The following PDK1 variants were observed in gnomAD, a reference collection of about 807,000 sequenced individuals.
The protein encoded by PDK1 is [Pyruvate dehydrogenase (acetyl-transferring)] kinase isozyme 1, mitochondrial.
A neutral mutation model predicts 54.2 loss-of-function variants in PDK1; 39 were observed. The ratio of observed to expected loss-of-function variants is 0.72; its 90% CI spans 0.56 to 0.94. The LOEUF is 0.94. PDK1 is among the 40% of genes least tolerant of loss of function. PDK1 has a pLI of 0.00. For synonymous variants in PDK1, 221 were observed against 207.1 expected, an observed-to-expected ratio of 1.07 and a Z score of -0.58; for missense variants, 552 against 566.0, an observed-to-expected ratio of 0.98 and a Z score of 0.25.
chr2:172,687,192 G>A, the PDK1 span, among the ~76,000 whole-genome samples: 1 of 151,860 alleles, frequency 6.6e-6, no homozygotes, highest in South Asian at 2.1e-4. Flanking sequence ...TATTTTATTT[G>A]ATTTTAATTG....
chr2:172,648,955 A>G, the PDK1 span, among the ~76,000 whole-genome samples: 5 of 152,150 alleles, frequency 3.3e-5, no homozygotes, highest in African/African-American at 1.2e-4. Flanking sequence ...AGACTTAAAC[A>G]TCCCTGTCTG....
At chr2:172,563,791 G>A (rs898083620) in intron 3 of PDK1, among the ~76,000 whole-genome samples, 3 of 151,548 alleles carry the variant, frequency 2.0e-5, no homozygotes, top group Admixed American at 6.6e-5. Context: ...CCGAGATTGC[G>A]CCATTGCTCT....
chr2:172,620,745 A>C, the PDK1 span, among the ~76,000 whole-genome samples: 2 of 152,000 alleles, frequency 1.3e-5, no homozygotes, highest in East Asian at 3.9e-4. Flanking sequence ...CCCACCTCAC[A>C]CTCTTGTTCT....
In PDK1 at chr2:172,606,750, A is replaced by C. The variant is rs562703003; in HGVS notation, c.*10781A>C. ...TTTCCTTTTTTTTTTAAAAAAAAAA[A>C]AAAACCTTTTTCATGTTGAAGTTCA... On this transcript the variant is annotated 3_prime_UTR_variant, in exon 11 of 11. Transcript: ENST00000282077. The C allele has an allele frequency of 2.0e-4, 31 of 152,072 alleles. 1 individual carries two copies. In the East Asian group the frequency reaches 5.2e-3, roughly 26 times the overall value. 9.4% of individuals were successfully genotyped at this position (152,072 alleles called of 1,614,324 possible).
the PDK1 span, among the ~76,000 whole-genome samples, chr2:172,633,732 T>G: frequency 1.4e-5 from 2 of 147,820 alleles, no homozygotes; most frequent in East Asian, 3.8e-4. Flanking sequence ...ATGTATTAGC[T>G]TTATTTTATT....
chr2:172,617,503 G>C, the PDK1 span, among the ~76,000 whole-genome samples: 3 of 152,084 alleles, frequency 2.0e-5, no homozygotes, highest in African/African-American at 7.2e-5. Flanking sequence ...TTAGGGCCTG[G>C]TCTCTCTGCT....
the PDK1 span, among the ~76,000 whole-genome samples, chr2:172,706,424 CTT>C: frequency 7.1e-6 from 1 of 141,342 alleles, no homozygotes; most frequent in East Asian, 2.0e-4. Flanking sequence ...TGTCAATTGT[CTT>C]TTTTTTTTTT....
the PDK1 span, among the ~76,000 whole-genome samples, chr2:172,620,011 A>G: frequency 6.6e-6 from 1 of 152,082 alleles, no homozygotes; most frequent in East Asian, 1.9e-4. Flanking sequence ...CTAAAAATAC[A>G]AAAATTAGCC....
At chr2:172,668,904 TATAGAG>T in the PDK1 span, among the ~76,000 whole-genome samples, 420 of 69,806 alleles carry the variant, frequency 6.0e-3, no homozygotes, top group Middle Eastern at 0.028. Flanking sequence ...CATATATATA[TATAGAG>T]AGAGAGAGAG....
chr2:172,586,528 A>T (rs988242659), intron 9 of PDK1, 140 bp downstream of exon 9: 11 of 526,024 alleles, frequency 2.1e-5, no homozygotes, highest in African/African-American at 1.9e-4. Context: ...ACTTTCCCCT[A>T]AATTTAAACA....
intron 2 of PDK1, among the ~76,000 whole-genome samples, chr2:172,559,106 G>A (rs139444671): frequency 0.016 from 2,432 of 152,140 alleles, 59 homozygotes; most frequent in African/African-American, 0.056. Flanking sequence ...GTGCCACCAC[G>A]CCCAGCTAAT....
chr2:172,573,854 C>T (rs1236469712), intron 8 of PDK1, among the ~76,000 whole-genome samples: 1 of 152,042 alleles, frequency 6.6e-6, no homozygotes, highest in Non-Finnish European at 1.5e-5. Flanking sequence ...GTCTTGAACT[C>T]CTGAACTTAA....
the PDK1 span, among the ~76,000 whole-genome samples, chr2:172,712,610 C>T: frequency 4.6e-5 from 7 of 152,180 alleles, no homozygotes; most frequent in Non-Finnish European, 1.0e-4. Context: ...CTGCAAGCGG[C>T]TTCCACTGTG....
chr2:172,633,381 CTTTTTTTTTTTT>C, the PDK1 span, among the ~76,000 whole-genome samples: 1 of 103,996 alleles, frequency 9.6e-6, no homozygotes, highest in African/African-American at 3.7e-5. Context: ...GATTTTCTTT[CTTTTTTTTTTTT>C]TTTTTTTTTT....
Position 172,568,801 on chromosome 2 carries a change from T to C in PDK1, c.830T>C (p.Val277Ala). The C allele has an allele frequency of 6.3e-7, 1 of 1,597,888 alleles. No homozygotes were observed. Among genetic ancestry groups the C allele is most frequent in the East Asian group, 2.2e-5 (1 of 44,794 alleles). ...VYVPSHLYHM[V>A]FELFKNAMRA... ...GTACCATCCCATCTCTATCACATGG[T>C]GTTTGAACTTTTCAAGGTTTGTAAA... Residue 277 changes from valine (V) to alanine (A), a missense_variant, in exon 7 of 11, where the codon GTG (valine) becomes GCG (alanine). Physicochemically the swap from Val to Ala is moderately conservative, Grantham distance 64. Transcript: ENST00000282077.
At chr2:172,657,077 T>A in the PDK1 span, among the ~76,000 whole-genome samples, 2 of 152,212 alleles carry the variant, frequency 1.3e-5, no homozygotes, top group South Asian at 4.1e-4. Flanking sequence ...TCTTGGTAAG[T>A]TGTGATTCTC....
chr2:172,556,454 C>T (rs915008645), intron 1 of PDK1, 108 bp downstream of exon 1: 3 of 738,118 alleles, frequency 4.1e-6, no homozygotes, highest in African/African-American at 1.8e-5. Context: ...TGAGGCGCAC[C>T]CCTCCTCCTC....
the PDK1 span, among the ~76,000 whole-genome samples, chr2:172,652,121 C>T: frequency 3.3e-5 from 5 of 152,264 alleles, no homozygotes; most frequent in South Asian, 2.1e-4. Context: ...TTATCCACCA[C>T]GACCAAGTTG....
At chr2:172,684,383 C>G in the PDK1 span, among the ~76,000 whole-genome samples, 1 of 152,074 alleles carries the variant, frequency 6.6e-6, no homozygotes, top group Non-Finnish European at 1.5e-5. Flanking sequence ...GATTGTGCCA[C>G]TGCACTCCAG....
Sources: gnomAD v4.1 joint callset for allele counts (sites outside exome capture counted in the v4.1 genomes callset) on GRCh38, gnomAD v4.1.1 for gene constraint, MANE v1.5 for transcripts, NCBI Gene and HGNC (gene_info 2026-07-23, HGNC 2026-07-21) for gene names.